The following GLCCI1 variants were observed in gnomAD, a reference collection of about 807,000 sequenced individuals.
The protein encoded by GLCCI1 is glucocorticoid-induced transcript 1 protein.
In GLCCI1, 24 loss-of-function variants were observed where a neutral mutation model predicts 52.2. The observed-to-expected ratio is 0.46, with a 90% CI of 0.33 to 0.65. The LOEUF (loss-of-function observed/expected upper bound fraction) is 0.65, where lower values mean the gene tolerates loss of function less well. Ranked by LOEUF, GLCCI1 falls within the 30% of genes least tolerant of loss-of-function variation. The probability of loss-of-function intolerance (pLI) is 0.02; values close to 1 mark genes in which losing one functional copy is unlikely to be tolerated. For synonymous variants in GLCCI1, 310 were observed against 276.5 expected (o/e 1.12, Z -1.20); for missense variants, 704 against 701.5 (o/e 1.00, Z -0.04).
Position 7,969,899 on chromosome 7 carries a change from A to C in GLCCI1, c.457+92A>C. On this transcript the variant is annotated intron_variant, in intron 1 of 7. Coordinates refer to ENST00000223145, the MANE Select transcript of GLCCI1 (RefSeq NM_138426.4). The surrounding 1 kb of genome is among the most constrained non-coding windows in gnomAD (Gnocchi z 4.9). Reference sequence around the variant, plus strand: ...CAGCCTCTTCGGGCTTCTCTTTGCTAGTGCATTATCGAAGGTGTGAAAGTG... The same window carrying C: ...CAGCCTCTTCGGGCTTCTCTTTGCTCGTGCATTATCGAAGGTGTGAAAGTG... 1.7e-6 allele frequency: 2 copies of C among 1,144,784 alleles called. No individual in the cohort carries two copies. The highest frequency in any genetic ancestry group is 1.1e-6 in the Non-Finnish European group (1 of 921,666). The allele number at this position is 1,144,784 out of a possible 1,614,324, so 70.9% of individuals were successfully genotyped here.
intron 2 of GLCCI1, among the ~76,000 whole-genome samples, chr7:8,016,710 A>G (rs908724680): frequency 6.6e-6 from 1 of 152,236 alleles, no homozygotes; most frequent in African/African-American, 2.4e-5. Flanking sequence ...ATTATTGTCA[A>G]CATAGCCTAT....
Position 8,088,328 on chromosome 7 carries a change from G to A in GLCCI1, c.*1790G>A, listed in dbSNP as rs896469836. 102 of 149,974 alleles carry A rather than the reference G, an allele frequency of 6.8e-4. No individual in the cohort carries two copies. The highest frequency in any genetic ancestry group is 2.1e-4 in the South Asian group (1 of 4,682). The allele number at this position is 149,974 out of a possible 1,614,324, so 9.3% of individuals were successfully genotyped here. A position where few individuals can be genotyped will look rare whatever the true frequency, so the allele number is the denominator to read the frequency against. ...TCTCTTCTTTCCACCAAAGTTTGTC[G>A]TAATATTTTCTCCTGAAGGTGCATT... On this transcript the variant is annotated 3_prime_UTR_variant, in exon 8 of 8. Coordinates refer to ENST00000223145, the MANE Select transcript of GLCCI1 (RefSeq NM_138426.4).
intron 2 of GLCCI1, among the ~76,000 whole-genome samples, chr7:8,016,058 T>C (rs2127946644): frequency 6.6e-6 from 1 of 152,358 alleles, no homozygotes; most frequent in East Asian, 1.9e-4. Flanking sequence ...TACATTGACT[T>C]ATACATTGGT....
intron 2 of GLCCI1, among the ~76,000 whole-genome samples, chr7:8,012,304 TG>T (rs1417275817): frequency 6.6e-6 from 1 of 152,092 alleles, no homozygotes; most frequent in Non-Finnish European, 1.5e-5. Context: ...TCAAGTCCTT[TG>T]TCTATTTTTG....
At chr7:8,022,771 A>G (rs1781521870) in intron 3 of GLCCI1, 1 of 264,652 alleles carries the variant, frequency 3.8e-6, no homozygotes, top group African/African-American at 2.2e-5. Flanking sequence ...GGTAGGCTGC[A>G]TTCTACATTT....
intron 6 of GLCCI1, chr7:8,078,483 A>G (rs1010689053): frequency 6.6e-6 from 1 of 152,160 alleles, no homozygotes; most frequent in Non-Finnish European, 1.5e-5. Flanking sequence ...AAGTTTATAT[A>G]TTTCTAGGTG....
At chr7:8,030,827 G>A (rs1197263298) in intron 3 of GLCCI1, among the ~76,000 whole-genome samples, 1 of 152,046 alleles carries the variant, frequency 6.6e-6, no homozygotes, top group African/African-American at 2.4e-5. Flanking sequence ...GATCAAAACT[G>A]CAATGAGGTA....
intron 2 of GLCCI1, among the ~76,000 whole-genome samples, chr7:8,011,426 C>G (rs1246561300): frequency 6.6e-6 from 1 of 152,128 alleles, no homozygotes; most frequent in Non-Finnish European, 1.5e-5. Flanking sequence ...GTTTATTTTA[C>G]TTAGTATAAT....
At chr7:8,079,753 C>T (rs1782957166) in intron 6 of GLCCI1, among the ~76,000 whole-genome samples, 1 of 151,300 alleles carries the variant, frequency 6.6e-6, no homozygotes, top group Non-Finnish European at 1.5e-5. Flanking sequence ...ATATAAAATA[C>T]CTCCTACATA....
chr7:8,048,978 T>C (rs2127957084), intron 3 of GLCCI1, among the ~76,000 whole-genome samples: 1 of 152,324 alleles, frequency 6.6e-6, no homozygotes, highest in East Asian at 1.9e-4. Flanking sequence ...TGTTTTCTTT[T>C]TTTGTTTTTG....
intron 6 of GLCCI1, among the ~76,000 whole-genome samples, chr7:8,082,405 C>T (rs529561334): frequency 6.6e-6 from 1 of 152,210 alleles, no homozygotes; most frequent in Admixed American, 6.5e-5. Context: ...CTCCAGGTAA[C>T]ATAGAACTAT....
Position 8,087,487 on chromosome 7 carries a change from TAATTTCAA to T in GLCCI1, c.*953_*960del, listed in dbSNP as rs1351525391. The T allele has an allele frequency of 6.6e-6, 1 of 152,658 alleles. No homozygotes were observed. Among genetic ancestry groups the T allele is most frequent in the Non-Finnish European group, 1.5e-5 (1 of 68,030 alleles). 9.5% of individuals were successfully genotyped at this position (152,658 alleles called of 1,614,324 possible). A position where few individuals can be genotyped will look rare whatever the true frequency, so the allele number is the denominator to read the frequency against. The stretch of plus-strand genomic sequence containing the variant: ...ATTTAAAGACAAGAATGTCTAGAGT[TAATTTCAA>T]AATAAGTGAAGTGTTTGACGGAATG... On this transcript the variant is annotated 3_prime_UTR_variant, in exon 8 of 8. Coordinates refer to ENST00000223145, the MANE Select transcript of GLCCI1 (RefSeq NM_138426.4).
intron 5 of GLCCI1, among the ~76,000 whole-genome samples, chr7:8,062,164 G>C (rs1219169898): frequency 6.6e-6 from 1 of 152,100 alleles, no homozygotes; most frequent in Non-Finnish European, 1.5e-5. Context: ...TACTTCAATT[G>C]TAGCCATATC....
Position 7,992,044 on chromosome 7 carries a change from T to TTTCC in GLCCI1, c.458-11861_458-11860insCTTC, listed in dbSNP as rs200210189. ...GTTGGAGGAATATTAGAATTTATTT[T>TTTCC]TTCTTTCTTTCTTTCTTTCTTTCTT... On this transcript the variant is annotated intron_variant, in intron 1 of 7. Transcript: ENST00000223145. Among the ~76,000 whole-genome samples the TTTCC allele has an allele frequency of 1.1e-3, 16 of 14,098 alleles. No individual in the cohort carries two copies. The East Asian group carries it at 0.035, about 31-fold the overall frequency. 9.2% of individuals were successfully genotyped at this position (14,098 alleles called of 152,430 possible). A position where few individuals can be genotyped will look rare whatever the true frequency, so the allele number is the denominator to read the frequency against.
At chr7:7,991,405 A>G (rs569018194) in intron 1 of GLCCI1, among the ~76,000 whole-genome samples, 1 of 152,220 alleles carries the variant, frequency 6.6e-6, no homozygotes, top group East Asian at 1.9e-4. Flanking sequence ...AAGAATGCAG[A>G]TAATTTTCCA....
intron 1 of GLCCI1, among the ~76,000 whole-genome samples, chr7:7,987,020 G>T (rs1373431700): frequency 6.6e-6 from 1 of 152,114 alleles, no homozygotes; most frequent in East Asian, 1.9e-4. Flanking sequence ...TCCCATGCCA[G>T]TTGTCTTGCA....
intron 3 of GLCCI1, among the ~76,000 whole-genome samples, chr7:8,049,419 CAAAG>C (rs1176813314): frequency 1.3e-5 from 2 of 152,006 alleles, no homozygotes; most frequent in African/African-American, 2.4e-5. Context: ...TCTTTGAAAT[CAAAG>C]GAATTATGTT....
chr7:8,012,289 T>A (rs1052296949), intron 2 of GLCCI1, among the ~76,000 whole-genome samples: 3 of 152,124 alleles, frequency 2.0e-5, no homozygotes, highest in Non-Finnish European at 4.4e-5. Context: ...TGGAGAAATG[T>A]CTATTCAAGT....
At chr7:7,979,519 G>C (rs1562414429) in intron 1 of GLCCI1, among the ~76,000 whole-genome samples, 2 of 152,230 alleles carry the variant, frequency 1.3e-5, no homozygotes, top group South Asian at 4.1e-4. Flanking sequence ...GATGAAGCTT[G>C]AAATATTAAT....
Sources: gnomAD v4.1 joint callset for allele counts (sites outside exome capture counted in the v4.1 genomes callset) on GRCh38, gnomAD v4.1.1 for gene constraint, Gnocchi (gnomAD v3.1) non-coding constraint, MANE v1.5 for transcripts, NCBI Gene and HGNC (gene_info 2026-07-23, HGNC 2026-07-21) for gene names.